The following NRXN3 variants were observed in gnomAD, a reference collection of about 807,000 sequenced individuals.
NRXN3 encodes neurexin III.
In NRXN3, 32 loss-of-function variants were observed where a neutral mutation model predicts 137.6. The ratio of observed to expected loss-of-function variants is 0.23; its 90% CI spans 0.18 to 0.31. The LOEUF is 0.31. Ranked by LOEUF, NRXN3 falls within the 10% of genes least tolerant of loss-of-function variation. The pLI is 1.00. For missense variants in NRXN3, 1,574 were observed against 2,062.5 expected (o/e 0.76, Z 4.59); for synonymous variants, 798 against 784.5 (o/e 1.02, Z -0.29).
intron 15 of NRXN3, among the ~76,000 whole-genome samples, chr14:79,246,366 G>T (rs1051572543): frequency 5.3e-5 from 8 of 152,176 alleles, no homozygotes; most frequent in African/African-American, 1.9e-4. Context: ...CGATTACATG[G>T]AGTTAAATAC....
chr14:78,932,399 A>G (rs552117070), intron 10 of NRXN3, among the ~76,000 whole-genome samples: 1 of 152,300 alleles, frequency 6.6e-6, no homozygotes, highest in South Asian at 2.1e-4. Context: ...TAGTTTGAGT[A>G]CCTGTTGACA....
intron 10 of NRXN3, among the ~76,000 whole-genome samples, chr14:78,831,331 T>G (rs185661820): frequency 6.6e-6 from 1 of 150,406 alleles, no homozygotes; most frequent in Admixed American, 6.6e-5. Flanking sequence ...AGGTCAGGAG[T>G]TCAAGACCAG....
intron 20 of NRXN3, among the ~76,000 whole-genome samples, chr14:79,835,291 ATG>A (rs1174334054): frequency 6.6e-6 from 1 of 152,118 alleles, no homozygotes; most frequent in Non-Finnish European, 1.5e-5. Context: ...CATGATAAAT[ATG>A]TACAATTTTT....
chr14:78,779,219 C>G (rs1191413655), intron 8 of NRXN3, among the ~76,000 whole-genome samples: 1 of 151,874 alleles, frequency 6.6e-6, no homozygotes, highest in East Asian at 1.9e-4. Flanking sequence ...GAGAATGATA[C>G]AGCATCAGAT....
At chr14:78,885,795 G>A (rs1403946316) in intron 10 of NRXN3, among the ~76,000 whole-genome samples, 2 of 152,102 alleles carry the variant, frequency 1.3e-5, no homozygotes, top group Non-Finnish European at 2.9e-5. Flanking sequence ...GTTAGCTAGA[G>A]TAAACACTAG....
rs1006159760 is a variant in NRXN3, at chr14:79,026,018, G to A, written c.3262+37877G>A. 2.0e-5 allele frequency among the ~76,000 whole-genome samples: 3 copies of A among 152,112 alleles called. No homozygotes were observed. In the East Asian group the frequency reaches 5.8e-4, roughly 29 times the overall value. ...AAGTCCAGGTATGTCTCATCGGTCA[G>A]CATTGGTCAGAATTACATAACATGT... is the stretch of plus-strand genomic sequence containing the variant. On this transcript the variant is annotated intron_variant, in intron 15 of 20. Coordinates refer to ENST00000335750, the MANE Select transcript of NRXN3 (RefSeq NM_001330195.2).
At chr14:79,530,719 A>G (rs1227020562) in intron 16 of NRXN3, among the ~76,000 whole-genome samples, 1 of 151,790 alleles carries the variant, frequency 6.6e-6, no homozygotes, top group Non-Finnish European at 1.5e-5. Flanking sequence ...AAGGAGGGGG[A>G]AATGGGATTG....
chr14:79,405,251 AGCAT>A (rs1329906465), intron 15 of NRXN3, among the ~76,000 whole-genome samples: 2 of 152,194 alleles, frequency 1.3e-5, no homozygotes, highest in Non-Finnish European at 2.9e-5. Context: ...TAATTAAAAC[AGCAT>A]GCTCGGAGGT....
At chr14:79,601,489 C>T (rs966712631) in intron 16 of NRXN3, among the ~76,000 whole-genome samples, 6 of 152,172 alleles carry the variant, frequency 3.9e-5, no homozygotes, top group Admixed American at 6.5e-5. Context: ...CCTGAGCTTA[C>T]CTCACTTTCA....
chr14:79,858,987 A>T (rs2099408733), intron 20 of NRXN3, among the ~76,000 whole-genome samples: 1 of 4,086 alleles, frequency 2.4e-4, no homozygotes, highest in Non-Finnish European at 6.1e-4. Context: ...TAAAAAAAAG[A>T]AAAAAAAAAA....
intron 4 of NRXN3, among the ~76,000 whole-genome samples, chr14:78,358,335 C>T (rs73308971): frequency 0.027 from 4,079 of 152,190 alleles, 157 homozygotes; most frequent in African/African-American, 0.088. Flanking sequence ...GCTCAATTTT[C>T]CTGATAGGAA....
At chr14:79,393,800 G>T (rs570493054) in intron 15 of NRXN3, among the ~76,000 whole-genome samples, 1 of 152,128 alleles carries the variant, frequency 6.6e-6, no homozygotes, top group East Asian at 1.9e-4. Flanking sequence ...TGGGTGACAG[G>T]GCGAGACTGT....
chr14:78,432,620 G>A (rs370571107), intron 4 of NRXN3, among the ~76,000 whole-genome samples: 1 of 152,216 alleles, frequency 6.6e-6, no homozygotes, highest in South Asian at 2.1e-4. Context: ...GTGAAAAAGA[G>A]AAGTTCAGTA....
chr14:78,188,859 T>C (rs1471490877), intron 1 of NRXN3, among the ~76,000 whole-genome samples: 1 of 152,174 alleles, frequency 6.6e-6, no homozygotes, highest in Non-Finnish European at 1.5e-5. Flanking sequence ...AATTATCTAC[T>C]TTAGTGCTCT....
chr14:78,551,199 C>A (rs1459668063), intron 4 of NRXN3, among the ~76,000 whole-genome samples: 1 of 152,174 alleles, frequency 6.6e-6, no homozygotes, highest in Non-Finnish European at 1.5e-5. Flanking sequence ...AGAGAAGGGT[C>A]CACTTAAGGC....
chr14:79,257,559 A>ATGG (rs1455324209), intron 15 of NRXN3, among the ~76,000 whole-genome samples: 54 of 18,298 alleles, frequency 3.0e-3, no homozygotes, highest in South Asian at 0.013. Flanking sequence ...GGTGGTGGTG[A>ATGG]TGGTGGTGGT....
chr14:79,077,467 C>A (rs1027914943), intron 15 of NRXN3, among the ~76,000 whole-genome samples: 4 of 152,082 alleles, frequency 2.6e-5, no homozygotes, highest in Admixed American at 6.6e-5. Context: ...TTATTAATTT[C>A]TCTCCCTACA....
intron 15 of NRXN3, among the ~76,000 whole-genome samples, chr14:79,163,483 G>A (rs1161368780): frequency 1.3e-5 from 2 of 151,950 alleles, no homozygotes; most frequent in African/African-American, 2.4e-5. Flanking sequence ...ATTGGTCACA[G>A]TGTCTTCTAT....
At chr14:79,184,990 C>T (rs1246179545) in intron 15 of NRXN3, among the ~76,000 whole-genome samples, 1 of 152,116 alleles carries the variant, frequency 6.6e-6, no homozygotes, top group Non-Finnish European at 1.5e-5. Flanking sequence ...ATTTTATTAA[C>T]AAGCTTCACA....
Sources: gnomAD v4.1 joint callset for allele counts (sites outside exome capture counted in the v4.1 genomes callset) on GRCh38, gnomAD v4.1.1 for gene constraint, MANE v1.5 for transcripts, NCBI Gene and HGNC (gene_info 2026-07-23, HGNC 2026-07-21) for gene names.